TMED8: variants seen among roughly 807,000 people sequenced by gnomAD.
The protein encoded by TMED8 is protein TMED8.
Under a neutral mutation model 32.7 loss-of-function variants are expected in TMED8, and 15 were observed. The observed-to-expected ratio is 0.46, with a 90% confidence interval of 0.31 to 0.71. The LOEUF (loss-of-function observed/expected upper bound fraction) is 0.71, where lower values mean the gene tolerates loss of function less well. Ranked by LOEUF, TMED8 falls within the 30% of genes least tolerant of loss-of-function variation. TMED8 has a pLI of 0.06. For synonymous variants in TMED8, 147 were observed against 161.4 expected, an observed-to-expected ratio of 0.91 and a Z score of 0.68; for missense variants, 390 against 423.9, an observed-to-expected ratio of 0.92 and a Z score of 0.70.
At position 77,343,477 on chromosome 14, in the gene TMED8, G is replaced by A; in HGVS notation, c.461C>T (p.Pro154Leu). 6.2e-7 allele frequency: 1 copy of A among 1,613,136 alleles called. No individual in the cohort carries two copies. Among genetic ancestry groups the A allele is most frequent in the South Asian group, 1.1e-5 (1 of 90,978 alleles). ...GATGCATGGAGGAGCCATCAGAGGT[G>A]GGGAGACTGAAAGGACAAGCAGCTT... is the stretch of plus-strand genomic sequence containing the variant. ...DLLGDHRKVS[P>L]PLMAPPCIWT... The change falls in exon 5 of 6, where the codon CCA (proline) becomes CTA (leucine). Residue 154 changes from proline to leucine, a missense_variant. Coordinates refer to ENST00000216468, the MANE Select transcript of TMED8 (RefSeq NM_213601.3).
rs1566680188 is a variant in TMED8, at chr14:77,337,063, TGA to T, written c.*4706_*4707del. 1.3e-5 allele frequency: 2 copies of T among 152,358 alleles called. No homozygotes were observed. The highest frequency in any genetic ancestry group is 3.9e-4 in the East Asian group (2 of 5,192). 9.4% of individuals were successfully genotyped at this position (152,358 alleles called of 1,614,324 possible). ...GACAATATACACTTTTTTAAAAGTC[TGA>T]GTTTTTCTTCCCAAAATAACAAAAA... On this transcript the variant is annotated 3_prime_UTR_variant, in exon 6 of 6. Transcript: ENST00000216468.
chr14:77,361,985 A>T (rs1893448689), intron 1 of TMED8, among the ~76,000 whole-genome samples: 1 of 152,130 alleles, frequency 6.6e-6, no homozygotes, highest in Admixed American at 6.5e-5. Context: ...TGCTACTGTA[A>T]ATTGGGATTA....
rs1203993239 is a variant in TMED8, at chr14:77,341,513, C to A, written c.*258G>T. ...CTTTTAGGCTTGTGCCCCATAGGTG[C>A]CTTCAAGAGGGAATTTGCTGGAGTC... On this transcript the variant is annotated 3_prime_UTR_variant, in exon 6 of 6. Coordinates refer to ENST00000216468, the MANE Select transcript of TMED8 (RefSeq NM_213601.3). 11 of 527,904 alleles carry A rather than the reference C, an allele frequency of 2.1e-5. No individual in the cohort carries two copies. The highest frequency in any genetic ancestry group is 3.8e-5 in the African/African-American group (2 of 52,442). 32.7% of individuals were successfully genotyped at this position (527,904 alleles called of 1,614,324 possible).
In TMED8 at chr14:77,341,693, GC is replaced by G; in HGVS notation, c.*77del. ...AGCCCCCCATGAACCTTTGGCTCTT[GC>G]CTATCCCAAACAAGAGGCACCAGCT... is the stretch of plus-strand genomic sequence containing the variant. On this transcript the variant is annotated 3_prime_UTR_variant, in exon 6 of 6. Coordinates refer to ENST00000216468, the MANE Select transcript of TMED8 (RefSeq NM_213601.3). 6.9e-7 allele frequency: 1 copy of G among 1,443,816 alleles called. No homozygotes were observed. The highest frequency in any genetic ancestry group is 9.7e-7 in the Non-Finnish European group (1 of 1,032,780). The allele number at this position is 1,443,816 out of a possible 1,614,324, so 89.4% of individuals were successfully genotyped here.
At chr14:77,366,029 CTTA>C (rs1443341798) in intron 1 of TMED8, among the ~76,000 whole-genome samples, 2 of 152,338 alleles carry the variant, frequency 1.3e-5, no homozygotes, top group Non-Finnish European at 2.9e-5. Flanking sequence ...CCTAGCAACA[CTTA>C]TTTTCTTTAC....
In TMED8 at chr14:77,358,077, T is replaced by A. The variant is rs1312655839; in HGVS notation, c.119-6326A>T. ...AGGCGGAGGTTGCAGTGAGCTGAGATCGTGCCAAGGCACTCCAGCCTGGGT... is the reference window on the plus strand; with the variant it reads ...AGGCGGAGGTTGCAGTGAGCTGAGAACGTGCCAAGGCACTCCAGCCTGGGT... On this transcript the variant is annotated intron_variant, in intron 1 of 5. Coordinates refer to ENST00000216468, the MANE Select transcript of TMED8 (RefSeq NM_213601.3). 2.8e-5 allele frequency among the ~76,000 whole-genome samples: 4 copies of A among 140,462 alleles called. No homozygotes were observed. In the South Asian group the frequency reaches 6.6e-4, roughly 23 times the overall value. The allele number at this position is 140,462 out of a possible 152,430, so 92.1% of individuals were successfully genotyped here. A position where few individuals can be genotyped will look rare whatever the true frequency, so the allele number is the denominator to read the frequency against.
intron 1 of TMED8, among the ~76,000 whole-genome samples, chr14:77,355,704 T>C (rs1683421557): frequency 6.6e-6 from 1 of 152,210 alleles, no homozygotes; most frequent in Admixed American, 6.5e-5. Context: ...ATAATGATGT[T>C]CTATTGGCAT....
intron 2 of TMED8, 126 bp from the exon 3 acceptor site, chr14:77,346,604 G>A: frequency 8.1e-7 from 1 of 1,238,104 alleles, no homozygotes; most frequent in South Asian, 1.3e-5. Flanking sequence ...CATTTATTTA[G>A]CTCTACTGTC....
rs1273722934 is a variant in TMED8 at position 77,339,985 on chromosome 14, A to AGTG, written c.*1785_*1786insCAC. 2 of 54,708 alleles carry AGTG rather than the reference A, an allele frequency of 3.7e-5. No individual in the cohort carries two copies. The highest frequency in any genetic ancestry group is 7.1e-5 in the Non-Finnish European group (2 of 28,242). 3.4% of individuals were successfully genotyped at this position (54,708 alleles called of 1,614,324 possible). ...AGACCCTTGGTGTGAGGAATCTAAC[A>AGTG]ATGAGTCAAAGGAAACATCACAAAG... is the stretch of plus-strand genomic sequence containing the variant. On this transcript the variant is annotated 3_prime_UTR_variant, in exon 6 of 6. Coordinates refer to ENST00000216468, the MANE Select transcript of TMED8 (RefSeq NM_213601.3).
At chr14:77,358,863 GA>G (rs1228342488) in intron 1 of TMED8, among the ~76,000 whole-genome samples, 1 of 151,932 alleles carries the variant, frequency 6.6e-6, no homozygotes, top group Non-Finnish European at 1.5e-5. Flanking sequence ...CCCCATCTTA[GA>G]AAAAAATACA....
rs771610822 is a variant in TMED8, at chr14:77,341,798, G to A, written c.951C>T (p.Leu317=). 1 of 1,614,096 alleles carries A rather than the reference G, an allele frequency of 6.2e-7. No individual in the cohort carries two copies. The highest frequency in any genetic ancestry group is 2.2e-5 in the East Asian group (1 of 44,878). ...AGCTGGTGTAGTAGATGTGGAAGTA[G>A]AGAGTCTTGTTGCGCAGCAGGGAGT... The part of the protein sequence containing the change: ...NSYSLLRNKT[L]YFHIYYTS The change falls in exon 6 of 6, where the codon CTC becomes CTT. Residue 317 remains leucine (L), a synonymous_variant. Coordinates refer to ENST00000216468, the MANE Select transcript of TMED8 (RefSeq NM_213601.3).
intron 1 of TMED8, among the ~76,000 whole-genome samples, chr14:77,370,120 C>T (rs955642263): frequency 6.7e-6 from 1 of 148,932 alleles, no homozygotes; most frequent in Non-Finnish European, 1.5e-5. Context: ...TGCAGTGAGC[C>T]GAGATCACAC....
At chr14:77,367,105 A>G (rs1422015370) in intron 1 of TMED8, among the ~76,000 whole-genome samples, 1 of 151,844 alleles carries the variant, frequency 6.6e-6, no homozygotes, top group Non-Finnish European at 1.5e-5. Context: ...TTAGCCAGGC[A>G]TGGTGGTGTG....
chr14:77,359,323 G>A (rs966520142), intron 1 of TMED8: 2 of 184,644 alleles, frequency 1.1e-5, no homozygotes, highest in African/African-American at 4.8e-5. Context: ...CCTGCACTCA[G>A]GACCCTTCCA....
At chr14:77,343,639 G>A in intron 4 of TMED8, 58 bp downstream of exon 4, 1 of 1,602,240 alleles carries the variant, frequency 6.2e-7, no homozygotes, top group Non-Finnish European at 8.5e-7. Flanking sequence ...CTGTCTGCCT[G>A]CCTTTCTTTG....
chr14:77,348,020 C>T (rs1490946413), intron 2 of TMED8, among the ~76,000 whole-genome samples: 1 of 151,980 alleles, frequency 6.6e-6, no homozygotes, highest in African/African-American at 2.4e-5. Context: ...CATGTGATAC[C>T]GCAATAGAAT....
At chr14:77,361,946 C>T (rs535923630) in intron 1 of TMED8, among the ~76,000 whole-genome samples, 6 of 152,144 alleles carry the variant, frequency 3.9e-5, no homozygotes, top group East Asian at 3.8e-4. Context: ...TGGGCTACCA[C>T]GCTAGGCTAA....
At chr14:77,360,764 A>G (rs1009585524) in intron 1 of TMED8, among the ~76,000 whole-genome samples, 1 of 151,976 alleles carries the variant, frequency 6.6e-6, no homozygotes, top group Non-Finnish European at 1.5e-5. Flanking sequence ...TTTCCATACT[A>G]TTTTTCACAA....
At chr14:77,350,758 G>A (rs1306714075) in intron 2 of TMED8, among the ~76,000 whole-genome samples, 1 of 152,210 alleles carries the variant, frequency 6.6e-6, no homozygotes, top group African/African-American at 2.4e-5. Flanking sequence ...GCTGCAGTGA[G>A]TTATGACTGC....
Sources: gnomAD v4.1 joint callset for allele counts (sites outside exome capture counted in the v4.1 genomes callset) on GRCh38, gnomAD v4.1.1 for gene constraint, MANE v1.5 for transcripts, NCBI Gene and HGNC (gene_info 2026-07-23, HGNC 2026-07-21) for gene names.